Variants in ABAT observed in about 807,000 individuals in gnomAD.
The protein encoded by ABAT is 4-aminobutyrate aminotransferase.
ABAT carries 45 observed loss-of-function variants against 64.6 expected under a neutral mutation model. That is an observed-to-expected ratio of 0.70 (90% CI 0.55 to 0.89). The LOEUF is 0.89. Ranked by LOEUF, ABAT falls within the 40% of genes least tolerant of loss-of-function variation. The pLI is 0.00. For missense variants in ABAT, 633 were observed against 658.4 expected (o/e 0.96, Z 0.42); for synonymous variants, 297 against 250.5 (o/e 1.19, Z -1.75).
intron 1 of ABAT, among the ~76,000 whole-genome samples, chr16:8,732,239 T>G (rs1198890692): frequency 1.3e-5 from 2 of 150,188 alleles, no homozygotes; most frequent in Non-Finnish European, 3.0e-5. Context: ...TATTTATTTT[T>G]TATTGATAAT....
At chr16:8,778,044 G>A (rs1429453504) in intron 14 of ABAT, among the ~76,000 whole-genome samples, 3 of 152,144 alleles carry the variant, frequency 2.0e-5, no homozygotes, top group African/African-American at 7.2e-5. Flanking sequence ...TTCTACCAAT[G>A]AGCTGCCGTG....
rs79937832 is a variant in ABAT at position 8,676,993 on chromosome 16, A to G, written c.-42+2282A>G. ...TTCTGCCCCCACCCAGTTCCCAGCT[A>G]AAGGATTGGTTGTTGTGCCCCAACT... On this transcript the variant is annotated intron_variant, in intron 1 of 15. Coordinates refer to ENST00000268251, the MANE Select transcript of ABAT (RefSeq NM_020686.6). 5.3e-5 allele frequency among the ~76,000 whole-genome samples: 8 copies of G among 152,230 alleles called. No homozygotes were observed. The East Asian group carries it at 1.5e-3, about 29-fold the overall frequency.
rs772187224 is a variant in ABAT at position 8,781,415 on chromosome 16, A to G, written c.1488A>G (p.Leu496=). The change falls in exon 16 of 16, where the codon TTA becomes TTG. Residue 496 remains leucine (L), a synonymous_variant. Transcript: ENST00000268251. This position sits in a 1 kb window ranked among gnomAD's most constrained non-coding sequence, Gnocchi z 4.5. The part of the protein sequence containing the change: ...HLFLNIFSDI[L]ADFK The stretch of plus-strand genomic sequence containing the variant: ...TCCTCAATATTTTCAGTGACATCTT[A>G]GCAGACTTCAAGTAAAGAAGCCATT... 61 of 1,614,114 alleles carry G rather than the reference A, an allele frequency of 3.8e-5. No individual in the cohort carries two copies. The South Asian group carries it at 6.7e-4, about 18-fold the overall frequency.
At chr16:8,758,857 G>A (rs1308765930) in intron 6 of ABAT, among the ~76,000 whole-genome samples, 1 of 152,142 alleles carries the variant, frequency 6.6e-6, no homozygotes, top group Non-Finnish European at 1.5e-5. Flanking sequence ...CAGCACTTTG[G>A]GAGGCTGAGG....
At chr16:8,713,990 G>A (rs187609685) in intron 1 of ABAT, 31 of 438,398 alleles carry the variant, frequency 7.1e-5, no homozygotes, top group Admixed American at 2.6e-4. Context: ...TGTGCAGGTC[G>A]GGGGGGCACA....
intron 4 of ABAT, among the ~76,000 whole-genome samples, chr16:8,748,915 G>A (rs149005225): frequency 3.3e-5 from 5 of 152,202 alleles, no homozygotes; most frequent in South Asian, 2.1e-4. Flanking sequence ...TGAATCTAAA[G>A]TGTCTCCTGT....
At chr16:8,721,499 G>A (rs1245102356) in intron 1 of ABAT, among the ~76,000 whole-genome samples, 1 of 152,160 alleles carries the variant, frequency 6.6e-6, no homozygotes, top group African/African-American at 2.4e-5. Flanking sequence ...GTGAGCGAGC[G>A]TCAGGTGCAG....
At chr16:8,713,974 T>A (rs753196189) in intron 1 of ABAT, 3 of 451,612 alleles carry the variant, frequency 6.6e-6, no homozygotes, top group Non-Finnish European at 1.3e-5. Context: ...ATCTGTGGTG[T>A]TGGGGTGTGC....
chr16:8,756,614 C>G (rs1191348595), intron 5 of ABAT, among the ~76,000 whole-genome samples: 2 of 152,166 alleles, frequency 1.3e-5, no homozygotes, highest in African/African-American at 4.8e-5. Flanking sequence ...ATACTCAGTG[C>G]GTGCGTAAGC....
At chr16:8,739,561 T>G (rs2059100196) in intron 2 of ABAT, among the ~76,000 whole-genome samples, 2 of 151,906 alleles carry the variant, frequency 1.3e-5, no homozygotes. Flanking sequence ...CTACTAAAAA[T>G]ACAAAAATTA....
chr16:8,773,059 G>C (rs1567315590), intron 12 of ABAT, 142 bp downstream of exon 12: 3 of 1,092,114 alleles, frequency 2.7e-6, no homozygotes, highest in Non-Finnish European at 4.0e-6. Context: ...ATCAGGGGTG[G>C]AGAAGTTGGG....
chr16:8,686,124 T>G (rs1596398651), intron 1 of ABAT, among the ~76,000 whole-genome samples: 2 of 151,838 alleles, frequency 1.3e-5, no homozygotes, highest in South Asian at 4.1e-4. Context: ...ACAGGGCTGT[T>G]TTGTGCACGG....
chr16:8,689,715 A>C (rs1228908792), intron 1 of ABAT, among the ~76,000 whole-genome samples: 2 of 152,204 alleles, frequency 1.3e-5, no homozygotes, highest in Non-Finnish European at 1.5e-5. Flanking sequence ...GTGAGTCATG[A>C]ACTGATATCA....
At chr16:8,777,996 C>T (rs2060316729) in intron 14 of ABAT, among the ~76,000 whole-genome samples, 1 of 152,140 alleles carries the variant, frequency 6.6e-6, no homozygotes, top group Non-Finnish European at 1.5e-5. Flanking sequence ...ACACGGTGCC[C>T]GGCTCTGTCA....
Position 8,782,949 on chromosome 16 carries a change from C to G in ABAT, c.*1519C>G, listed in dbSNP as rs1329304415. 1 of 151,398 alleles carries G rather than the reference C, an allele frequency of 6.6e-6. No homozygotes were observed. The highest frequency in any genetic ancestry group is 2.1e-4 in the South Asian group (1 of 4,816). The allele number at this position is 151,398 out of a possible 1,614,324, so 9.4% of individuals were successfully genotyped here. A position where few individuals can be genotyped will look rare whatever the true frequency, so the allele number is the denominator to read the frequency against. Reference sequence around the variant, plus strand: ...TCAAAGTAAGGGTTTTTTTTTTTAGCTTCCACTCTTCCGCAGACTTGGTCA... The same window carrying G: ...TCAAAGTAAGGGTTTTTTTTTTTAGGTTCCACTCTTCCGCAGACTTGGTCA... On this transcript the variant is annotated 3_prime_UTR_variant, in exon 16 of 16. Coordinates refer to ENST00000268251, the MANE Select transcript of ABAT (RefSeq NM_020686.6).
At chr16:8,706,263 A>G (rs2057940118) in intron 1 of ABAT, among the ~76,000 whole-genome samples, 1 of 151,100 alleles carries the variant, frequency 6.6e-6, no homozygotes, top group African/African-American at 2.4e-5. Flanking sequence ...ACAAAAAATT[A>G]GCCAGGCATG....
chr16:8,739,809 C>T (rs1328055991), intron 2 of ABAT, among the ~76,000 whole-genome samples: 2 of 151,804 alleles, frequency 1.3e-5, no homozygotes, highest in African/African-American at 4.8e-5. Flanking sequence ...CTTACCTTTA[C>T]CTCTTCTGCA....
chr16:8,704,454 C>T (rs370145945), intron 1 of ABAT, among the ~76,000 whole-genome samples: 8 of 152,178 alleles, frequency 5.3e-5, no homozygotes, highest in African/African-American at 1.9e-4. Flanking sequence ...GACTTCTTTT[C>T]TCCAAACATT....
intron 1 of ABAT, among the ~76,000 whole-genome samples, chr16:8,723,169 G>A (rs2058424001): frequency 6.6e-6 from 1 of 152,142 alleles, no homozygotes; most frequent in African/African-American, 2.4e-5. Flanking sequence ...GGAGGCAGAG[G>A]TTACAGTGAG....
Sources: gnomAD v4.1 joint callset for allele counts (sites outside exome capture counted in the v4.1 genomes callset) on GRCh38, gnomAD v4.1.1 for gene constraint, Gnocchi (gnomAD v3.1) non-coding constraint, MANE v1.5 for transcripts, NCBI Gene and HGNC (gene_info 2026-07-23, HGNC 2026-07-21) for gene names.